Variants in CREBBP observed in about 807,000 individuals in gnomAD.
The protein encoded by CREBBP is CREB binding lysine acetyltransferase, also known as CREB-binding protein.
CREBBP carries 19 observed loss-of-function variants against 265.0 expected under a neutral mutation model. The ratio of observed to expected loss-of-function variants is 0.07; its 90% CI spans 0.05 to 0.11. CREBBP has a LOEUF of 0.11. Among genes scored for constraint, CREBBP ranks in the 10% least tolerant of loss-of-function variants. The pLI is 1.00. For synonymous variants in CREBBP, 1,457 were observed against 1,223.7 expected (o/e 1.19, Z -3.98); for missense variants, 2,525 against 3,219.0 (o/e 0.78, Z 5.22).
chr16:3,745,295 T>C lies in CREBBP; in HGVS notation c.3896A>G (p.Asp1299Gly). 6.2e-7 allele frequency: 1 copy of C among 1,613,934 alleles called. No individual in the cohort carries two copies. The highest frequency in any genetic ancestry group is 8.5e-7 in the Non-Finnish European group (1 of 1,179,918). The change falls in exon 22 of 31, where the codon GAC (aspartate) becomes GGC (glycine). Residue 1299 changes from aspartate to glycine, a missense_variant. This residue lies in a region of CREBBP where 252 missense variants were observed against 452.5 expected (regional missense o/e 0.56). Transcript: ENST00000262367. ...AACTCACCCTGAAGGCCAAATGATG[T>C]CATAGTGCAGAACGCAAATCTGATG... ...KMHQICVLHYDIIWPSGFVCD... is the reference protein window; with the variant it reads ...KMHQICVLHYGIIWPSGFVCD...
At chr16:3,796,387 CT>C (rs796743710) in intron 3 of CREBBP, among the ~76,000 whole-genome samples, 277 of 139,204 alleles carry the variant, frequency 2.0e-3, no homozygotes, top group South Asian at 7.3e-3. Context: ...CTGGCTTGTA[CT>C]TTTTTTTTTT....
chr16:3,865,213 A>T, intron 1 of CREBBP, among the ~76,000 whole-genome samples: 1 of 152,220 alleles, frequency 6.6e-6, no homozygotes, highest in East Asian at 1.9e-4. Context: ...TTAACCACTA[A>T]TTCTATTTCT....
rs1301507817 is a variant in CREBBP at position 3,729,275 on chromosome 16, C to T, written c.5772G>A (p.Val1924=). ...CCGTGGTGGGGGGCTGAGTCCGGGC[C>T]ACGCTGGGGAAGCCAGCTGGTGACA... ...VSMSPAGFPS[V]ARTQPPTTVS... Residue 1924 remains valine (V), a synonymous_variant, in exon 31 of 31, where the codon GTG becomes GTA. Transcript: ENST00000262367. 2.0e-6 allele frequency: 3 copies of T among 1,532,194 alleles called. No homozygotes were observed. Among genetic ancestry groups the T allele is most frequent in the Non-Finnish European group, 2.6e-6 (3 of 1,143,684 alleles). The allele number at this position is 1,532,194 out of a possible 1,614,324, so 94.9% of individuals were successfully genotyped here. A position where few individuals can be genotyped will look rare whatever the true frequency, so the allele number is the denominator to read the frequency against.
chr16:3,824,929 G>C (rs144441465), intron 2 of CREBBP, among the ~76,000 whole-genome samples: 294 of 152,292 alleles, frequency 1.9e-3, no homozygotes, highest in Non-Finnish European at 3.0e-3. Context: ...ACGCAGGGCC[G>C]CTCTAACTTG....
chr16:3,779,627 C>A (rs1170042723), intron 8 of CREBBP, among the ~76,000 whole-genome samples: 3 of 152,104 alleles, frequency 2.0e-5, no homozygotes, highest in Admixed American at 2.0e-4. Context: ...CCTGACCTAT[C>A]AACTTATCTA....
Position 3,729,136 on chromosome 16 carries a change from G to A in CREBBP, c.5911C>T (p.His1971Tyr), listed in dbSNP as rs777398207. ...QIEREAQQQQ[H>Y]LYRVNINNSM... ...TTGTTGATGTTCACCCGGTACAGGT[G>A]CTGCTGCTGCTGGGCCTCACGCTCG... The change falls in exon 31 of 31, where the codon CAC (histidine) becomes TAC (tyrosine). Residue 1971 changes from histidine to tyrosine, a missense_variant. Transcript: ENST00000262367. The A allele has an allele frequency of 1.3e-6, 2 of 1,562,936 alleles. No homozygotes were observed. Among genetic ancestry groups the A allele is most frequent in the African/African-American group, 1.4e-5 (1 of 73,772 alleles).
At position 3,726,519 on chromosome 16, in the gene CREBBP, C is replaced by T. The variant is rs538759549; in HGVS notation, c.*1199G>A. ...ACCACCCACGCCGCCACAACCACAA[C>T]CGCAGCCCCAGCCTCTCCGCTATGA... On this transcript the variant is annotated 3_prime_UTR_variant, in exon 31 of 31. Coordinates refer to ENST00000262367, the MANE Select transcript of CREBBP (RefSeq NM_004380.3). 4 of 233,768 alleles carry T rather than the reference C, an allele frequency of 1.7e-5. No homozygotes were observed. Among genetic ancestry groups the T allele is most frequent in the African/African-American group, 8.8e-5 (4 of 45,468 alleles). 14.5% of individuals were successfully genotyped at this position (233,768 alleles called of 1,614,324 possible).
At chr16:3,874,656 C>T (rs2055364180) in intron 1 of CREBBP, among the ~76,000 whole-genome samples, 1 of 152,198 alleles carries the variant, frequency 6.6e-6, no homozygotes, top group Admixed American at 6.5e-5. Flanking sequence ...GTTCTAGCGT[C>T]AAACAGGATT....
intron 8 of CREBBP, among the ~76,000 whole-genome samples, chr16:3,779,452 G>A (rs2053223730): frequency 6.6e-6 from 1 of 152,146 alleles, no homozygotes; most frequent in African/African-American, 2.4e-5. Context: ...GGAATTACAC[G>A]TGGGGGCCAC....
chr16:3,828,653 A>T (rs1178718846), intron 2 of CREBBP, among the ~76,000 whole-genome samples: 1 of 152,236 alleles, frequency 6.6e-6, no homozygotes, highest in East Asian at 1.9e-4. Flanking sequence ...TATGTATTTC[A>T]CCATCATAGT....
At chr16:3,788,828 T>C (rs1445760663) in intron 5 of CREBBP, among the ~76,000 whole-genome samples, 2 of 152,184 alleles carry the variant, frequency 1.3e-5, no homozygotes, top group African/African-American at 4.8e-5. Context: ...GGCAGATGCC[T>C]GCAGTCCCAG....
chr16:3,804,859 T>C (rs1360825119), intron 3 of CREBBP, among the ~76,000 whole-genome samples: 3 of 152,370 alleles, frequency 2.0e-5, no homozygotes, highest in African/African-American at 7.2e-5. Context: ...GAGGTTTTGC[T>C]GAAGAAAGGA....
rs544424458 is a variant in CREBBP, at chr16:3,745,157, C to T, written c.3914+120G>A. Reference sequence around the variant, plus strand: ...TAGAACTTAAATTTAGAACCAACTGCCATCTCTCTTAATCGCTGAATTCTT... The same window carrying T: ...TAGAACTTAAATTTAGAACCAACTGTCATCTCTCTTAATCGCTGAATTCTT... On this transcript the variant is annotated intron_variant, in intron 22 of 30. Transcript: ENST00000262367. 2.7e-5 allele frequency: 28 copies of T among 1,031,852 alleles called. No homozygotes were observed. In the African/African-American group the frequency reaches 4.0e-4, roughly 15 times the overall value. 63.9% of individuals were successfully genotyped at this position (1,031,852 alleles called of 1,614,324 possible).
rs189105661 is a variant in CREBBP, at chr16:3,748,108, C to A, written c.3836+1519G>T. Among the ~76,000 whole-genome samples, 30 of 150,902 alleles carry A rather than the reference C, an allele frequency of 2.0e-4. No homozygotes were observed. In the East Asian group the frequency reaches 4.1e-3, roughly 21 times the overall value. On this transcript the variant is annotated intron_variant, in intron 21 of 30. Transcript: ENST00000262367. ...TCCATCTCAAAAATAAAAATAAATACATACATACATACATACATAAGTTAG... is the reference window on the plus strand; with the variant it reads ...TCCATCTCAAAAATAAAAATAAATAAATACATACATACATACATAAGTTAG...
At chr16:3,798,717 C>T (rs2053654685) in intron 3 of CREBBP, among the ~76,000 whole-genome samples, 1 of 152,188 alleles carries the variant, frequency 6.6e-6, no homozygotes, top group South Asian at 2.1e-4. Context: ...ACCTGGAATC[C>T]TCATACATTG....
At chr16:3,850,001 G>C (rs1303404694) in intron 2 of CREBBP, among the ~76,000 whole-genome samples, 2 of 152,018 alleles carry the variant, frequency 1.3e-5, no homozygotes, top group South Asian at 2.1e-4. Flanking sequence ...CCTCCTCAGT[G>C]GGCAGTACAC....
chr16:3,779,177 GA>G (rs1392054732), intron 8 of CREBBP, among the ~76,000 whole-genome samples: 1,589 of 117,296 alleles, frequency 0.014, 13 homozygotes, highest in African/African-American at 0.039. Flanking sequence ...AAAAAAAGAA[GA>G]AAAAAAAAAA....
At chr16:3,808,394 C>G (rs538674402) in intron 3 of CREBBP, among the ~76,000 whole-genome samples, 2 of 152,344 alleles carry the variant, frequency 1.3e-5, no homozygotes, top group East Asian at 3.9e-4. Flanking sequence ...TGTAAGCACC[C>G]AGTGGGTAGG....
chr16:3,854,279 C>G (rs2054915525), intron 1 of CREBBP, among the ~76,000 whole-genome samples: 1 of 152,202 alleles, frequency 6.6e-6, no homozygotes, highest in Non-Finnish European at 1.5e-5. Flanking sequence ...AATGGATGCT[C>G]AGAAAGAAAT....
Sources: allele counts gnomAD v4.1 joint callset (sites outside exome capture counted in the v4.1 genomes callset), GRCh38; gene constraint gnomAD v4.1.1; regional missense constraint gnomAD v4.1.1; transcripts MANE v1.5; gene names NCBI Gene and HGNC (gene_info 2026-07-23, HGNC 2026-07-21).